CACNA2D1: variants seen among roughly 807,000 people sequenced by gnomAD.
The protein encoded by CACNA2D1 is calcium voltage-gated channel auxiliary subunit alpha2delta 1.
A neutral mutation model predicts 171.5 loss-of-function variants in CACNA2D1; 53 were observed. The ratio of observed to expected loss-of-function variants is 0.31; its 90% CI spans 0.25 to 0.39. The LOEUF (loss-of-function observed/expected upper bound fraction) is 0.39, where lower values mean the gene tolerates loss of function less well. Among genes scored for constraint, CACNA2D1 ranks in the 10% least tolerant of loss-of-function variants. The pLI is 1.00. For missense variants in CACNA2D1, 903 were observed against 1,299.8 expected, an observed-to-expected ratio of 0.69 and a Z score of 4.69; for synonymous variants, 442 against 443.1, an observed-to-expected ratio of 1.00 and a Z score of 0.03.
intron 4 of CACNA2D1, among the ~76,000 whole-genome samples, chr7:82,152,107 T>A (rs1283730256): frequency 6.6e-6 from 1 of 151,974 alleles, no homozygotes; most frequent in Admixed American, 6.6e-5. Flanking sequence ...AAACTATATA[T>A]TTACAGAGGA....
chr7:82,238,982 G>A (rs1410925555), intron 3 of CACNA2D1, among the ~76,000 whole-genome samples: 1 of 151,986 alleles, frequency 6.6e-6, no homozygotes, highest in Non-Finnish European at 1.5e-5. Context: ...TAAAATCATT[G>A]AGTAGATGAA....
At chr7:82,174,646 A>G (rs1180540214) in intron 3 of CACNA2D1, among the ~76,000 whole-genome samples, 1 of 152,116 alleles carries the variant, frequency 6.6e-6, no homozygotes, top group African/African-American at 2.4e-5. Flanking sequence ...TATCAAAACC[A>G]AAACACTAGA....
At position 82,049,297 on chromosome 7, in the gene CACNA2D1, TAAG is replaced by T. The variant is rs1804932877; in HGVS notation, c.880-11065_880-11063del. ...CCCATCTTTACCTAAAAAAAGTGCA[TAAG>T]AAGATAGAATTCTTCTTCTTTTAAC... On this transcript the variant is annotated intron_variant, in intron 10 of 38. Transcript: ENST00000356860. Among the ~76,000 whole-genome samples the T allele has an allele frequency of 2.6e-5, 4 of 152,274 alleles. No homozygotes were observed. The South Asian group carries it at 8.3e-4, about 32-fold the overall frequency.
chr7:82,283,060 C>A (rs375593119), intron 3 of CACNA2D1, among the ~76,000 whole-genome samples: 4 of 152,134 alleles, frequency 2.6e-5, no homozygotes, highest in African/African-American at 7.2e-5. Context: ...TTGTTTCCCA[C>A]GCTCCTTACA....
chr7:82,234,740 A>AT (rs1439337831), intron 3 of CACNA2D1, among the ~76,000 whole-genome samples: 3 of 152,338 alleles, frequency 2.0e-5, no homozygotes, highest in Admixed American at 2.0e-4. Context: ...TAAACATAAG[A>AT]AAACAATTAG....
At chr7:82,136,320 G>C (rs543799464) in intron 5 of CACNA2D1, among the ~76,000 whole-genome samples, 37 of 152,146 alleles carry the variant, frequency 2.4e-4, no homozygotes, top group African/African-American at 8.9e-4. Flanking sequence ...AGAAGTAGAT[G>C]GGATTGGATA....
At position 82,060,181 on chromosome 7, in the gene CACNA2D1, A is replaced by AT. The variant is rs1356744123; in HGVS notation, c.879+246dup. ...TATATATATAATATATATATATAATATATATATATTATATATATATTATAT... is the reference window on the plus strand; with the variant it reads ...TATATATATAATATATATATATAATATTATATATATTATATATATATTATAT... On this transcript the variant is annotated intron_variant, in intron 10 of 38. Coordinates refer to ENST00000356860, the MANE Select transcript of CACNA2D1 (RefSeq NM_000722.4). Among the ~76,000 whole-genome samples, 6 of 21,880 alleles carry AT rather than the reference A, an allele frequency of 2.7e-4. 1 individual carries two copies. Among genetic ancestry groups the AT allele is most frequent in the African/African-American group, 1.1e-3 (6 of 5,688 alleles). 14.4% of individuals were successfully genotyped at this position (21,880 alleles called of 152,430 possible). A position where few individuals can be genotyped will look rare whatever the true frequency, so the allele number is the denominator to read the frequency against.
chr7:82,250,816 T>C (rs573413153), intron 3 of CACNA2D1, among the ~76,000 whole-genome samples: 199 of 152,294 alleles, frequency 1.3e-3, no homozygotes, highest in Middle Eastern at 3.4e-3. Flanking sequence ...TTCAAATACC[T>C]GTCACATGAA....
At chr7:82,142,308 C>G (rs1792495294) in intron 4 of CACNA2D1, among the ~76,000 whole-genome samples, 1 of 152,112 alleles carries the variant, frequency 6.6e-6, no homozygotes, top group Admixed American at 6.6e-5. Flanking sequence ...TTCAAACATC[C>G]CCTAGCAAGT....
chr7:81,994,732 A>T, intron 20 of CACNA2D1, 136 bp downstream of exon 20: 1 of 594,228 alleles, frequency 1.7e-6, no homozygotes, highest in Non-Finnish European at 3.0e-6. Flanking sequence ...AAGTGCTTTA[A>T]AAAGAAAAAT....
At chr7:82,204,216 G>A (rs560552613) in intron 3 of CACNA2D1, among the ~76,000 whole-genome samples, 52 of 152,216 alleles carry the variant, frequency 3.4e-4, no homozygotes, top group Middle Eastern at 3.2e-3. Flanking sequence ...TCAATGGGCT[G>A]AACCTAGAGC....
chr7:82,025,675 C>A (rs150403759), intron 12 of CACNA2D1, among the ~76,000 whole-genome samples: 1 of 151,804 alleles, frequency 6.6e-6, no homozygotes, highest in East Asian at 1.9e-4. Flanking sequence ...TGATTTCAAT[C>A]TGAATTTGTT....
At chr7:82,303,953 A>G (rs1002756371) in intron 3 of CACNA2D1, among the ~76,000 whole-genome samples, 1 of 152,146 alleles carries the variant, frequency 6.6e-6, no homozygotes, top group African/African-American at 2.4e-5. Flanking sequence ...ATATTTGCAA[A>G]CTATTAATCT....
intron 3 of CACNA2D1, among the ~76,000 whole-genome samples, chr7:82,208,273 G>A (rs1365767012): frequency 2.0e-5 from 3 of 151,924 alleles, no homozygotes; most frequent in South Asian, 2.1e-4. Flanking sequence ...ATACATTAAC[G>A]ATAGTACTTA....
intron 1 of CACNA2D1, among the ~76,000 whole-genome samples, chr7:82,375,626 A>G (rs1471278890): frequency 1.3e-5 from 2 of 152,036 alleles, no homozygotes; most frequent in African/African-American, 4.8e-5. Context: ...CACTTCTTAC[A>G]ATTCTGTATT....
chr7:82,180,591 A>C (rs1226138358), intron 3 of CACNA2D1, among the ~76,000 whole-genome samples: 1 of 142,554 alleles, frequency 7.0e-6, no homozygotes, highest in Non-Finnish European at 1.6e-5. Flanking sequence ...TGAAAACTCT[A>C]TTGAGAGTGG....
intron 3 of CACNA2D1, among the ~76,000 whole-genome samples, chr7:82,265,711 A>C (rs2129340382): frequency 6.6e-6 from 1 of 152,202 alleles, no homozygotes; most frequent in African/African-American, 2.4e-5. Context: ...TTCATCTTAA[A>C]ATTATATCAT....
At chr7:82,076,260 G>A (rs1232782210) in intron 7 of CACNA2D1, among the ~76,000 whole-genome samples, 1 of 152,070 alleles carries the variant, frequency 6.6e-6, no homozygotes, top group African/African-American at 2.4e-5. Context: ...TGTGTAAAAT[G>A]CATCCCCACA....
chr7:82,332,524 AAGAAAGAAAGAAAGAAAG>A (rs149997325), intron 3 of CACNA2D1, among the ~76,000 whole-genome samples: 35,616 of 139,894 alleles, frequency 0.25, 5,277 homozygotes, highest in East Asian at 0.52. Flanking sequence ...GAAAGAAAGA[AAGAAAGAAAGAAAGAAAG>A]AAAGAAAGAA....
Sources: gnomAD v4.1 joint callset for allele counts (sites outside exome capture counted in the v4.1 genomes callset) on GRCh38, gnomAD v4.1.1 for gene constraint, MANE v1.5 for transcripts, NCBI Gene and HGNC (gene_info 2026-07-23, HGNC 2026-07-21) for gene names.